EIPR1: variants seen among roughly 807,000 people sequenced by gnomAD.
EIPR1 encodes EARP and GARP complex-interacting protein 1.
Under a neutral mutation model 48.1 loss-of-function variants are expected in EIPR1, and 25 were observed. That is an observed-to-expected ratio of 0.52 (90% CI 0.38 to 0.73). EIPR1 has a LOEUF of 0.73. Ranked by LOEUF, EIPR1 falls within the 30% of genes least tolerant of loss-of-function variation. EIPR1 has a pLI of 0.00. For missense variants in EIPR1, 415 were observed against 506.2 expected, an observed-to-expected ratio of 0.82 and a Z score of 1.73; for synonymous variants, 204 against 201.9, an observed-to-expected ratio of 1.01 and a Z score of -0.09.
chr2:3,355,615 C>A (rs944864923), intron 1 of EIPR1, among the ~76,000 whole-genome samples: 2 of 152,100 alleles, frequency 1.3e-5, no homozygotes, highest in Non-Finnish European at 2.9e-5. Flanking sequence ...TCTGGCCAAC[C>A]AATCTGGGCA....
chr2:3,353,234 C>T, intron 2 of EIPR1: 1 of 471,134 alleles, frequency 2.1e-6, no homozygotes, highest in South Asian at 1.5e-5. Context: ...GCTGGGTGGT[C>T]TTGGAACACA....
intron 3 of EIPR1, among the ~76,000 whole-genome samples, chr2:3,265,204 C>G (rs1667450555): frequency 1.2e-5 from 1 of 82,206 alleles, no homozygotes; most frequent in African/African-American, 5.0e-5. Context: ...GGTGTGCAGG[C>G]AGGAGGTGTC....
rs771809225 is a variant in EIPR1, at chr2:3,353,223, C to T, written c.126+1327G>A. ...GTACTCACCAAGGTTTCCTGGCATCCGCTGGGTGGTCTTGGAACACATCCC... is the reference window on the plus strand; with the variant it reads ...GTACTCACCAAGGTTTCCTGGCATCTGCTGGGTGGTCTTGGAACACATCCC... On this transcript the variant is annotated intron_variant, in intron 2 of 8. Coordinates refer to ENST00000382125, the MANE Select transcript of EIPR1 (RefSeq NM_003310.5). The T allele has an allele frequency of 3.6e-5, 17 of 471,048 alleles. 2 individuals carry two copies. Among genetic ancestry groups the T allele is most frequent in the South Asian group, 1.7e-4 (11 of 64,546 alleles). 29.2% of individuals were successfully genotyped at this position (471,048 alleles called of 1,614,324 possible). A position where few individuals can be genotyped will look rare whatever the true frequency, so the allele number is the denominator to read the frequency against.
intron 1 of EIPR1, among the ~76,000 whole-genome samples, chr2:3,369,406 C>T (rs111481846): frequency 0.044 from 6,745 of 152,160 alleles, 620 homozygotes; most frequent in East Asian, 0.4. Flanking sequence ...TGCAGCGAAC[C>T]GTGCGCAAGC....
At chr2:3,290,283 T>G (rs1558276916) in intron 3 of EIPR1, among the ~76,000 whole-genome samples, 1 of 152,232 alleles carries the variant, frequency 6.6e-6, no homozygotes, top group Non-Finnish European at 1.5e-5. Flanking sequence ...GGTGGATGCG[T>G]AATTATGACG....
At chr2:3,369,675 G>C (rs964556121) in intron 1 of EIPR1, among the ~76,000 whole-genome samples, 7 of 152,220 alleles carry the variant, frequency 4.6e-5, no homozygotes, top group Non-Finnish European at 1.0e-4. Flanking sequence ...TGGCAGCGAG[G>C]CTGGGGGAGG....
At chr2:3,231,758 G>A (rs1666250497) in intron 4 of EIPR1, among the ~76,000 whole-genome samples, 1 of 152,264 alleles carries the variant, frequency 6.6e-6, no homozygotes, top group African/African-American at 2.4e-5. Flanking sequence ...TCGAGGACTT[G>A]CACTTACTTT....
In EIPR1 at chr2:3,351,220, T is replaced by C. The variant is rs577669691; in HGVS notation, c.126+3330A>G. 1.1e-4 allele frequency among the ~76,000 whole-genome samples: 16 copies of C among 152,272 alleles called. No individual in the cohort carries two copies. The East Asian group carries it at 2.1e-3, about 20-fold the overall frequency. ...TTCACCATGTTGGCCAGGCTGGTCT[T>C]GAACTCTTCATCTCAAGTGATCCAC... On this transcript the variant is annotated intron_variant, in intron 2 of 8. Transcript: ENST00000382125.
intron 4 of EIPR1, among the ~76,000 whole-genome samples, chr2:3,217,140 T>C (rs914829483): frequency 6.6e-6 from 1 of 152,134 alleles, no homozygotes; most frequent in East Asian, 1.9e-4. Context: ...CAGCAAGCTA[T>C]AAAAGATGAT....
At chr2:3,271,413 C>T (rs1199770141) in intron 3 of EIPR1, among the ~76,000 whole-genome samples, 1 of 152,212 alleles carries the variant, frequency 6.6e-6, no homozygotes, top group Non-Finnish European at 1.5e-5. Flanking sequence ...CAACGACAGC[C>T]TTAAGACATG....
rs533929460 is a variant in EIPR1, at chr2:3,279,730, T to C, written c.260-22275A>G. ...ACAGCGGCCTGCTCATCTGTGCAAC[T>C]GCAGGAGGCTGCTCCGCTGACCTGA... On this transcript the variant is annotated intron_variant, in intron 3 of 8. Transcript: ENST00000382125. Among the ~76,000 whole-genome samples, 8 of 152,372 alleles carry C rather than the reference T, an allele frequency of 5.3e-5. No individual in the cohort carries two copies. The South Asian group carries it at 1.7e-3, about 32-fold the overall frequency.
chr2:3,233,209 CTTT>C (rs148239962), intron 4 of EIPR1, among the ~76,000 whole-genome samples: 1 of 148,374 alleles, frequency 6.7e-6, no homozygotes, highest in Non-Finnish European at 1.5e-5. Flanking sequence ...CTGCAACTTG[CTTT>C]TTTTTTTAAC....
chr2:3,209,654 G>A (rs999266534), intron 5 of EIPR1, among the ~76,000 whole-genome samples: 3 of 152,196 alleles, frequency 2.0e-5, no homozygotes, highest in Non-Finnish European at 4.4e-5. Flanking sequence ...CATCGACATG[G>A]AGAACCTTCC....
chr2:3,376,935 C>T (rs1659903337), intron 1 of EIPR1, among the ~76,000 whole-genome samples: 1 of 152,194 alleles, frequency 6.6e-6, no homozygotes, highest in Admixed American at 6.5e-5. Flanking sequence ...CCTCATTCCC[C>T]CTGACGCATT....
intron 3 of EIPR1, among the ~76,000 whole-genome samples, chr2:3,288,052 T>G (rs1668260672): frequency 1.3e-5 from 2 of 152,178 alleles, no homozygotes; most frequent in South Asian, 4.1e-4. Flanking sequence ...GAGTCTGCTG[T>G]AGGTAAGGTT....
intron 4 of EIPR1, among the ~76,000 whole-genome samples, chr2:3,251,013 T>C (rs1222669077): frequency 6.6e-6 from 1 of 152,174 alleles, no homozygotes; most frequent in Middle Eastern, 3.4e-3. Flanking sequence ...CAGAGGCAGC[T>C]AACACACATA....
Position 3,312,712 on chromosome 2 carries a change from G to C in EIPR1, c.259+25305C>G, listed in dbSNP as rs1395044600. Among the ~76,000 whole-genome samples the C allele has an allele frequency of 6.6e-6, 1 of 152,198 alleles. No homozygotes were observed. The highest frequency in any genetic ancestry group is 1.5e-5 in the Non-Finnish European group (1 of 68,038). On this transcript the variant is annotated intron_variant, in intron 3 of 8. Transcript: ENST00000382125. This position sits in a 1 kb window ranked among gnomAD's most constrained non-coding sequence, Gnocchi z 5.5. ...GAGCCTCCACTGGTCCCTTCAACGA[G>C]ATCTTTGGTGCCCCAGGCTTGAGAA...
chr2:3,296,210 TAC>T (rs1285299113), intron 3 of EIPR1, among the ~76,000 whole-genome samples: 2 of 97,360 alleles, frequency 2.1e-5, no homozygotes, highest in African/African-American at 8.3e-5. Context: ...CCATCCTCTC[TAC>T]ACAGACACCC....
intron 3 of EIPR1, chr2:3,301,066 T>C (rs1668749025): frequency 6.6e-6 from 1 of 152,252 alleles, no homozygotes; most frequent in Non-Finnish European, 1.5e-5. Flanking sequence ...CAGATGGCAC[T>C]GAAGCTGACT....
Sources: gnomAD v4.1 joint callset for allele counts (sites outside exome capture counted in the v4.1 genomes callset) on GRCh38, gnomAD v4.1.1 for gene constraint, Gnocchi (gnomAD v3.1) non-coding constraint, MANE v1.5 for transcripts, NCBI Gene and HGNC (gene_info 2026-07-23, HGNC 2026-07-21) for gene names.